Variants in NDUFA10 observed in about 807,000 individuals in gnomAD.
NDUFA10 encodes the protein NADH dehydrogenase [ubiquinone] 1 alpha subcomplex subunit 10, mitochondrial.
In NDUFA10, 40 loss-of-function variants were observed where a neutral mutation model predicts 47.8. The observed-to-expected ratio is 0.84, with a 90% confidence interval of 0.65 to 1.09. NDUFA10 has a LOEUF of 1.09. NDUFA10 is among the 50% of genes least tolerant of loss of function. NDUFA10 has a pLI of 0.00. For synonymous variants in NDUFA10, 183 were observed against 172.2 expected (o/e 1.06, Z -0.49); for missense variants, 413 against 451.1 (o/e 0.92, Z 0.76).
chr2:239,956,822 TACCTGCTTGTTTTTTCCTTA>T (rs1694665951), downstream of NDUFA10, among the ~76,000 whole-genome samples: 1 of 152,196 alleles, frequency 6.6e-6, no homozygotes, highest in African/African-American at 2.4e-5. Flanking sequence ...CTCTCTACCC[TACCTGCTTGTTTTTTCCTTA>T]ATTCCCACAC....
chr2:239,978,721 C>T (rs980456772), intron 9 of NDUFA10, among the ~76,000 whole-genome samples: 33 of 152,274 alleles, frequency 2.2e-4, no homozygotes, highest in Middle Eastern at 3.4e-3. Flanking sequence ...GAAAACTACG[C>T]GTCTGAAAAG....
rs186142605 is a variant in NDUFA10, at chr2:239,942,460, T to C, written c.295-47146A>G. 8.5e-5 allele frequency among the ~76,000 whole-genome samples: 13 copies of C among 152,378 alleles called. No individual in the cohort carries two copies. The East Asian group carries it at 2.3e-3, about 27-fold the overall frequency. On this transcript the variant is annotated intron_variant, in intron 4 of 5. Coordinates refer to the NDUFA10 transcript ENST00000419408. ...TCAGCCTTGCTATGTCGTTTGTTGC[T>C]GTTTGAAATGTATTGGTTTGGTTCT...
At chr2:239,982,234 G>T in intron 9 of NDUFA10, 1 of 1,612,484 alleles carries the variant, frequency 6.2e-7, no homozygotes, top group South Asian at 1.1e-5. Flanking sequence ...AAGGTTAGAC[G>T]AAACAATTCT....
intron 8 of NDUFA10, among the ~76,000 whole-genome samples, chr2:240,000,406 A>C (rs1056772910): frequency 5.3e-5 from 8 of 152,334 alleles, no homozygotes; most frequent in Non-Finnish European, 1.2e-4. Context: ...AACAACAACA[A>C]AAGTTTAAAA....
At position 240,011,602 on chromosome 2, in the gene NDUFA10, G is replaced by A. The variant is rs369729748; in HGVS notation, c.749+15C>T. 5.6e-5 allele frequency: 89 copies of A among 1,595,888 alleles called. No homozygotes were observed. The highest frequency in any genetic ancestry group is 8.9e-5 in the East Asian group (4 of 44,800). ...GAAGTTTTAGCCCTGTAAATCAGTC[G>A]TGTGTTTGGCTCACCTCATCTCAGG... On this transcript the variant is annotated intron_variant, in intron 6 of 9. Transcript: ENST00000252711.
intron 4 of NDUFA10, among the ~76,000 whole-genome samples, chr2:239,907,049 G>A (rs186148395): frequency 1.6e-4 from 25 of 152,242 alleles, no homozygotes; most frequent in African/African-American, 6.0e-4. Context: ...TGGTGCTGGT[G>A]CCAAAACAGA....
At chr2:239,943,865 G>T (rs1337101160) in intron 4 of NDUFA10, among the ~76,000 whole-genome samples, 1 of 152,188 alleles carries the variant, frequency 6.6e-6, no homozygotes, top group Non-Finnish European at 1.5e-5. Flanking sequence ...GGGATGAGGG[G>T]TCTAGGGTTT....
intron 9 of NDUFA10, among the ~76,000 whole-genome samples, chr2:239,963,504 G>A (rs750437683): frequency 2.8e-4 from 43 of 152,330 alleles, no homozygotes; most frequent in Non-Finnish European, 3.7e-4. Context: ...TTTCTAGACC[G>A]GGGAGCAGTG....
chr2:239,898,294 C>T (rs1329064034), intron 4 of NDUFA10, among the ~76,000 whole-genome samples: 1 of 152,214 alleles, frequency 6.6e-6, no homozygotes, highest in Non-Finnish European at 1.5e-5. Context: ...TCCTACAGTA[C>T]CTAGAAAGCC....
intron 4 of NDUFA10, among the ~76,000 whole-genome samples, chr2:239,947,543 C>T (rs1011943448): frequency 4.6e-5 from 7 of 152,196 alleles, no homozygotes; most frequent in Non-Finnish European, 7.3e-5. Flanking sequence ...GCCCTCTCTG[C>T]GCACCAGACA....
Position 239,960,789 on chromosome 2 carries a change from A to C in NDUFA10, c.*329T>G. The C allele has an allele frequency of 1.6e-6, 2 of 1,252,754 alleles. No individual in the cohort carries two copies. The highest frequency in any genetic ancestry group is 8.5e-5 in the East Asian group (2 of 23,660). The allele number at this position is 1,252,754 out of a possible 1,614,324, so 77.6% of individuals were successfully genotyped here. A position where few individuals can be genotyped will look rare whatever the true frequency, so the allele number is the denominator to read the frequency against. On this transcript the variant is annotated 3_prime_UTR_variant, in exon 10 of 10. Coordinates refer to ENST00000252711, the MANE Select transcript of NDUFA10 (RefSeq NM_004544.4). ...GGAAGTCAGAAGAAAAACAATGTGC[A>C]CAACCTGAATGACACAGAGCGGCAG... is the stretch of plus-strand genomic sequence containing the variant.
chr2:239,965,531 C>T (rs145347382), intron 9 of NDUFA10, among the ~76,000 whole-genome samples: 6 of 152,182 alleles, frequency 3.9e-5, no homozygotes, highest in African/African-American at 1.4e-4. Flanking sequence ...GGAGCCGCAA[C>T]GGGCCTCGTC....
At chr2:239,968,078 GA>G (rs1695154000) in intron 9 of NDUFA10, among the ~76,000 whole-genome samples, 1 of 152,130 alleles carries the variant, frequency 6.6e-6, no homozygotes, top group Non-Finnish European at 1.5e-5. Context: ...CTTTGAGAGA[GA>G]TGAACGAAGC....
In NDUFA10 at chr2:239,945,414, C is replaced by A. The variant is rs1021445650; in HGVS notation, c.294+44660G>T. Among the ~76,000 whole-genome samples the A allele has an allele frequency of 6.6e-6, 1 of 152,198 alleles. No individual in the cohort carries two copies. The highest frequency in any genetic ancestry group is 1.5e-5 in the Non-Finnish European group (1 of 68,036). ...CCAGACCAAGCTCCTCACCTCTGAGCGTCGCTCCAGCTCCTTTCAAAGACG... is the reference window on the plus strand; with the variant it reads ...CCAGACCAAGCTCCTCACCTCTGAGAGTCGCTCCAGCTCCTTTCAAAGACG... On this transcript the variant is annotated intron_variant, in intron 4 of 5. Coordinates refer to the NDUFA10 transcript ENST00000419408. The surrounding 1 kb of genome is among the most constrained non-coding windows in gnomAD (Gnocchi z 4.6).
chr2:239,973,126 A>G (rs1357500867), intron 9 of NDUFA10, among the ~76,000 whole-genome samples: 3 of 152,218 alleles, frequency 2.0e-5, no homozygotes, highest in Non-Finnish European at 4.4e-5. Flanking sequence ...CCGAGTTTCT[A>G]TGATTAATTT....
chr2:239,897,774 G>A (rs565074304), intron 4 of NDUFA10, among the ~76,000 whole-genome samples: 45 of 152,118 alleles, frequency 3.0e-4, no homozygotes, highest in South Asian at 8.3e-4. Flanking sequence ...ACTGATGGCC[G>A]CCCTGGAGGT....
At chr2:239,894,688 G>A (rs927316944) in intron 5 of NDUFA10, among the ~76,000 whole-genome samples, 16 of 151,940 alleles carry the variant, frequency 1.1e-4, no homozygotes, top group South Asian at 2.1e-4. Flanking sequence ...GCATTCCTCC[G>A]TCTCTGTGGC....
chr2:239,959,767 G>A lies in NDUFA10; in HGVS notation c.*1351C>T, dbSNP rs1694772793. ...AAGGAGGGAAGGAAAGAGGCAGGGA[G>A]GAAGGGAAGGGAGGAAAACAAGGAC... is the stretch of plus-strand genomic sequence containing the variant. On this transcript the variant is annotated 3_prime_UTR_variant, in exon 10 of 10. Transcript: ENST00000252711. 2 of 732,988 alleles carry A rather than the reference G, an allele frequency of 2.7e-6. No individual in the cohort carries two copies. Among genetic ancestry groups the A allele is most frequent in the African/African-American group, 1.9e-5 (1 of 51,874 alleles). The allele number at this position is 732,988 out of a possible 1,614,324, so 45.4% of individuals were successfully genotyped here. A position where few individuals can be genotyped will look rare whatever the true frequency, so the allele number is the denominator to read the frequency against.
chr2:239,910,300 A>G (rs1693727528), intron 4 of NDUFA10, among the ~76,000 whole-genome samples: 1 of 152,298 alleles, frequency 6.6e-6, no homozygotes, highest in African/African-American at 2.4e-5. Flanking sequence ...CAATAGCAAA[A>G]ACATGGAATC....
Sources: allele counts gnomAD v4.1 joint callset (sites outside exome capture counted in the v4.1 genomes callset), GRCh38; gene constraint gnomAD v4.1.1; non-coding constraint Gnocchi (gnomAD v3.1); transcripts MANE v1.5; gene names NCBI Gene and HGNC (gene_info 2026-07-23, HGNC 2026-07-21).